DLG2: variants seen among roughly 807,000 people sequenced by gnomAD.
DLG2 encodes the protein discs large MAGUK scaffold protein 2.
A neutral mutation model predicts 132.5 loss-of-function variants in DLG2; 45 were observed. The ratio of observed to expected loss-of-function variants is 0.34; its 90% confidence interval spans 0.27 to 0.44. DLG2 has a LOEUF of 0.44. Ranked by LOEUF, DLG2 falls within the 20% of genes least tolerant of loss-of-function variation. The pLI, the probability that DLG2 is intolerant of heterozygous loss-of-function variation, is 1.00. For synonymous variants in DLG2, 424 were observed against 419.6 expected, an observed-to-expected ratio of 1.01 and a Z score of -0.13; for missense variants, 1,045 against 1,196.9, an observed-to-expected ratio of 0.87 and a Z score of 1.87.
chr11:85,459,640 C>T (rs540487358), intron 3 of DLG2, among the ~76,000 whole-genome samples: 134 of 152,204 alleles, frequency 8.8e-4, no homozygotes, highest in African/African-American at 3.1e-3. Flanking sequence ...CACTCCTTTC[C>T]ATATAGTGGC....
At chr11:83,956,876 T>C (rs1050693046) in intron 14 of DLG2, among the ~76,000 whole-genome samples, 1 of 152,222 alleles carries the variant, frequency 6.6e-6, no homozygotes, top group African/African-American at 2.4e-5. Flanking sequence ...AATTAATAAT[T>C]GGCAAGTTTG....
Position 83,925,973 on chromosome 11 carries a change from A to C in DLG2, c.1496+4355T>G, listed in dbSNP as rs138954209. Among the ~76,000 whole-genome samples, 659 of 152,254 alleles carry C rather than the reference A, an allele frequency of 4.3e-3. 1 individual carries two copies. The highest frequency in any genetic ancestry group is 0.015 in the African/African-American group (617 of 41,574). ...AAATCCTATTTGTTTTTCAAATTTT[A>C]GTTTGATTTCAGGCTCTGCACATTT... On this transcript the variant is annotated intron_variant, in intron 15 of 27. Coordinates refer to ENST00000376104, the MANE Select transcript of DLG2 (RefSeq NM_001142699.3).
intron 7 of DLG2, among the ~76,000 whole-genome samples, chr11:84,465,866 T>G (rs2099092948): frequency 6.6e-6 from 1 of 151,222 alleles, no homozygotes; most frequent in Non-Finnish European, 1.5e-5. Flanking sequence ...ATCCTAGCTC[T>G]GATATTTTAT....
At chr11:85,412,752 C>CATATAT (rs1458933936) in intron 3 of DLG2, among the ~76,000 whole-genome samples, 2 of 125,430 alleles carry the variant, frequency 1.6e-5, no homozygotes, top group African/African-American at 6.5e-5. Context: ...CACACACACA[C>CATATAT]ACACACACAT....
At chr11:83,791,465 C>G in intron 17 of DLG2, 1 of 708,368 alleles carries the variant, frequency 1.4e-6, no homozygotes, top group South Asian at 1.4e-5. Context: ...TAGGAATTAT[C>G]TTTCCAAAGT....
intron 7 of DLG2, among the ~76,000 whole-genome samples, chr11:84,431,280 C>T (rs1260171355): frequency 2.0e-5 from 3 of 152,060 alleles, no homozygotes; most frequent in Admixed American, 2.0e-4. Context: ...GTGAGGAGAT[C>T]AAGGTCTAGA....
intron 6 of DLG2, among the ~76,000 whole-genome samples, chr11:84,711,920 C>A (rs1349934323): frequency 2.0e-5 from 3 of 152,066 alleles, no homozygotes; most frequent in Non-Finnish European, 4.4e-5. Flanking sequence ...TTTCAGGGAT[C>A]TTCCAGGCAT....
chr11:84,102,807 T>G (rs1247369926), intron 9 of DLG2, among the ~76,000 whole-genome samples: 2 of 152,156 alleles, frequency 1.3e-5, no homozygotes, highest in Non-Finnish European at 2.9e-5. Flanking sequence ...TGGAACTTAG[T>G]CTGTGAATCA....
At chr11:84,814,074 T>G (rs1433359614) in intron 6 of DLG2, among the ~76,000 whole-genome samples, 1 of 152,136 alleles carries the variant, frequency 6.6e-6, no homozygotes, top group East Asian at 1.9e-4. Context: ...AGTAACCTCT[T>G]AAAATTACAC....
intron 7 of DLG2, 144 bp downstream of exon 7, chr11:84,534,426 T>C: frequency 2.8e-6 from 2 of 713,044 alleles, no homozygotes; most frequent in Non-Finnish European, 4.6e-6. Context: ...GGGCCTCCAA[T>C]GCACAAGAAA....
At chr11:83,963,725 T>C (rs1467120634) in intron 13 of DLG2, among the ~76,000 whole-genome samples, 4 of 151,990 alleles carry the variant, frequency 2.6e-5, no homozygotes, top group Non-Finnish European at 5.9e-5. Context: ...GCAAGATCAA[T>C]CAATTTTAAT....
rs539436163 is a variant in DLG2 at position 84,184,879 on chromosome 11, G to T, written c.574-21368C>A. 2.6e-5 allele frequency among the ~76,000 whole-genome samples: 4 copies of T among 152,266 alleles called. No individual in the cohort carries two copies. In the South Asian group the frequency reaches 6.2e-4, roughly 24 times the overall value. ...CAGGTTTGTCAAAGATCAGATGGTT[G>T]TAGATATGCGACATTATTTCTGAGG... On this transcript the variant is annotated intron_variant, in intron 8 of 27. Transcript: ENST00000376104.
chr11:84,774,394 A>C (rs533969398), intron 6 of DLG2, among the ~76,000 whole-genome samples: 3 of 152,298 alleles, frequency 2.0e-5, no homozygotes, highest in South Asian at 4.1e-4. Flanking sequence ...ATTCAATGCT[A>C]TTTCTATCAA....
In DLG2 at chr11:84,374,542, G is replaced by A. The variant is rs997485676; in HGVS notation, c.520-123251C>T. Reference sequence around the variant, plus strand: ...TTAGTGTATTTTATGTGTGGCCCAAGACAATTCTTCTTCTTCCAGTGTGGC... The same window carrying A: ...TTAGTGTATTTTATGTGTGGCCCAAAACAATTCTTCTTCTTCCAGTGTGGC... On this transcript the variant is annotated intron_variant, in intron 7 of 27. Coordinates refer to ENST00000376104, the MANE Select transcript of DLG2 (RefSeq NM_001142699.3). Among the ~76,000 whole-genome samples the A allele has an allele frequency of 2.0e-5, 3 of 152,054 alleles. No homozygotes were observed. In the East Asian group the frequency reaches 5.8e-4, roughly 29 times the overall value.
chr11:84,780,588 T>A (rs1328272155), intron 6 of DLG2, among the ~76,000 whole-genome samples: 2 of 152,152 alleles, frequency 1.3e-5, no homozygotes, highest in Non-Finnish European at 2.9e-5. Flanking sequence ...GCAGTGTGTG[T>A]GAATTCTGAT....
chr11:83,831,924 A>G (rs1181272347), intron 17 of DLG2, among the ~76,000 whole-genome samples: 1 of 152,154 alleles, frequency 6.6e-6, no homozygotes. Context: ...AGGAAGAGGA[A>G]AGGGAAATTA....
intron 11 of DLG2, among the ~76,000 whole-genome samples, chr11:84,028,443 T>C (rs1332971919): frequency 6.6e-6 from 1 of 151,952 alleles, no homozygotes; most frequent in Non-Finnish European, 1.5e-5. Context: ...CATCTCAAAG[T>C]GAAACTCTGT....
chr11:85,155,941 C>A (rs1297658013), intron 4 of DLG2, among the ~76,000 whole-genome samples: 1 of 152,052 alleles, frequency 6.6e-6, no homozygotes, highest in Non-Finnish European at 1.5e-5. Flanking sequence ...TAGGACAGCT[C>A]CCAAATGGTT....
intron 6 of DLG2, among the ~76,000 whole-genome samples, chr11:84,600,934 G>A (rs1361070072): frequency 1.3e-5 from 2 of 152,172 alleles, no homozygotes; most frequent in Non-Finnish European, 2.9e-5. Flanking sequence ...AAGTTCAAAT[G>A]CTCAAAGGAT....
Sources: gnomAD v4.1 joint callset for allele counts (sites outside exome capture counted in the v4.1 genomes callset) on GRCh38, gnomAD v4.1.1 for gene constraint, MANE v1.5 for transcripts, NCBI Gene and HGNC (gene_info 2026-07-23, HGNC 2026-07-21) for gene names.